TBC1D5: variants seen among roughly 807,000 people sequenced by gnomAD.
TBC1D5 encodes TBC1 domain family, member 5.
A neutral mutation model predicts 100.3 loss-of-function variants in TBC1D5; 75 were observed. That is an observed-to-expected ratio of 0.75 (90% CI 0.62 to 0.91). The LOEUF (loss-of-function observed/expected upper bound fraction) is 0.91, where lower values mean the gene tolerates loss of function less well. TBC1D5 is among the 40% of genes least tolerant of loss of function. TBC1D5 has a pLI of 0.00. For missense variants in TBC1D5, 910 were observed against 942.4 expected, an observed-to-expected ratio of 0.97 and a Z score of 0.45; for synonymous variants, 323 against 325.6, an observed-to-expected ratio of 0.99 and a Z score of 0.09.
intron 2 of TBC1D5, among the ~76,000 whole-genome samples, chr3:17,559,367 C>T (rs2153470270): frequency 6.6e-6 from 1 of 152,158 alleles, no homozygotes; most frequent in East Asian, 1.9e-4. Context: ...TCTCAAACTC[C>T]TGACCTCAAG....
intron 2 of TBC1D5, among the ~76,000 whole-genome samples, chr3:17,610,556 G>T (rs117816677): frequency 6.6e-6 from 1 of 152,076 alleles, no homozygotes; most frequent in Admixed American, 6.6e-5. Flanking sequence ...AGCACTCAGC[G>T]ACCACCCAAA....
chr3:17,327,748 C>T (rs1455441841), intron 13 of TBC1D5, among the ~76,000 whole-genome samples: 4 of 152,186 alleles, frequency 2.6e-5, no homozygotes, highest in East Asian at 1.9e-4. Flanking sequence ...TTCATGTTCT[C>T]GTATTTACTA....
chr3:17,472,940 TCA>T (rs1484962363), intron 3 of TBC1D5, among the ~76,000 whole-genome samples: 7 of 152,176 alleles, frequency 4.6e-5, no homozygotes, highest in Non-Finnish European at 8.8e-5. Flanking sequence ...GTACCATAAT[TCA>T]CACACTCAGT....
chr3:17,603,955 ACTTTT>A (rs1378197058), intron 2 of TBC1D5, among the ~76,000 whole-genome samples: 2 of 151,998 alleles, frequency 1.3e-5, no homozygotes, highest in Non-Finnish European at 2.9e-5. Flanking sequence ...CTATTCCTTT[ACTTTT>A]CTTAATATAC....
intron 2 of TBC1D5, among the ~76,000 whole-genome samples, chr3:17,529,712 T>C (rs1333305071): frequency 6.6e-6 from 1 of 151,954 alleles, no homozygotes; most frequent in African/African-American, 2.4e-5. Context: ...AGTGGCATAA[T>C]CTCGGCTCAC....
chr3:17,592,756 T>C (rs1033247934), intron 2 of TBC1D5, among the ~76,000 whole-genome samples: 1 of 152,192 alleles, frequency 6.6e-6, no homozygotes, highest in Non-Finnish European at 1.5e-5. Flanking sequence ...GAGATGCTAT[T>C]TGGAGCCTTT....
At chr3:17,417,453 G>T (rs951091271) in intron 4 of TBC1D5, among the ~76,000 whole-genome samples, 2 of 146,298 alleles carry the variant, frequency 1.4e-5, no homozygotes, top group South Asian at 2.1e-4. Flanking sequence ...TTGGCTTTTT[G>T]TTCTTGCGAA....
intron 3 of TBC1D5, among the ~76,000 whole-genome samples, chr3:17,496,028 C>A (rs1383852646): frequency 6.6e-6 from 1 of 152,172 alleles, no homozygotes; most frequent in Admixed American, 6.5e-5. Context: ...TACATTCTTG[C>A]AAACTTTGCT....
chr3:17,718,092 GAGC>G (rs1339770569), intron 1 of TBC1D5, among the ~76,000 whole-genome samples: 6 of 152,162 alleles, frequency 3.9e-5, no homozygotes. Flanking sequence ...CACATTTGGA[GAGC>G]TAGCCCCAAA....
chr3:17,211,346 AAAG>A (rs1353944786), intron 18 of TBC1D5, among the ~76,000 whole-genome samples: 1 of 152,248 alleles, frequency 6.6e-6, no homozygotes, highest in Non-Finnish European at 1.5e-5. Flanking sequence ...GGTGCTCTGG[AAAG>A]CAAGTGGCGG....
At chr3:17,694,723 T>C (rs1361864097) in intron 1 of TBC1D5, among the ~76,000 whole-genome samples, 1 of 152,044 alleles carries the variant, frequency 6.6e-6, no homozygotes, top group Non-Finnish European at 1.5e-5. Flanking sequence ...CAGGCCAACA[T>C]TCAAATTCAG....
intron 2 of TBC1D5, among the ~76,000 whole-genome samples, chr3:17,578,842 A>G (rs1467872670): frequency 6.6e-6 from 1 of 152,046 alleles, no homozygotes; most frequent in African/African-American, 2.4e-5. Context: ...TAATGCTAAC[A>G]TATTTCTAAG....
At chr3:17,602,298 G>A (rs535584216) in intron 2 of TBC1D5, among the ~76,000 whole-genome samples, 6 of 152,210 alleles carry the variant, frequency 3.9e-5, no homozygotes, top group African/African-American at 9.6e-5. Flanking sequence ...CCTGAAGTTC[G>A]TGTCTTCTAT....
At chr3:17,642,108 A>C (rs2064568801) in intron 1 of TBC1D5, among the ~76,000 whole-genome samples, 1 of 152,148 alleles carries the variant, frequency 6.6e-6, no homozygotes, top group Admixed American at 6.6e-5. Context: ...TTGGTTAATA[A>C]TCTTATAACA....
intron 15 of TBC1D5, among the ~76,000 whole-genome samples, chr3:17,277,956 A>G (rs902960724): frequency 2.0e-5 from 3 of 152,210 alleles, no homozygotes; most frequent in Non-Finnish European, 4.4e-5. Flanking sequence ...AAAATACAGA[A>G]TAGTCCTATA....
intron 1 of TBC1D5, among the ~76,000 whole-genome samples, chr3:17,699,343 T>C (rs9853166): frequency 8.5e-4 from 111 of 130,496 alleles, no homozygotes; most frequent in African/African-American, 3.0e-3. Flanking sequence ...AATTGAACAA[T>C]GAGAACACAT....
chr3:17,382,664 G>A (rs1052716023), intron 9 of TBC1D5, among the ~76,000 whole-genome samples: 1 of 151,508 alleles, frequency 6.6e-6, no homozygotes, highest in Non-Finnish European at 1.5e-5. Flanking sequence ...GGTCTCAAGA[G>A]ATCCTCCCAC....
intron 15 of TBC1D5, among the ~76,000 whole-genome samples, chr3:17,266,416 A>G (rs576343596): frequency 3.9e-5 from 6 of 152,278 alleles, no homozygotes; most frequent in African/African-American, 1.4e-4. Context: ...CATTTATCCA[A>G]GAGTTGATTT....
chr3:17,493,232 A>AT lies in TBC1D5; in HGVS notation c.97+15241dup, dbSNP rs540416620. Among the ~76,000 whole-genome samples the AT allele has an allele frequency of 2.0e-3, 284 of 143,704 alleles. 1 individual carries two copies. The highest frequency in any genetic ancestry group is 0.017 in the South Asian group (78 of 4,498). The allele number at this position is 143,704 out of a possible 152,430, so 94.3% of individuals were successfully genotyped here. A position where few individuals can be genotyped will look rare whatever the true frequency, so the allele number is the denominator to read the frequency against. ...GATGTGAAATTGTGGGTTGGAAATT[A>AT]TTTTTTTTTTTTTTAAGAATGTTGA... On this transcript the variant is annotated intron_variant, in intron 3 of 21. Coordinates refer to ENST00000253692, the Ensembl canonical transcript of TBC1D5.
Sources: gnomAD v4.1 joint callset for allele counts (sites outside exome capture counted in the v4.1 genomes callset) on GRCh38, gnomAD v4.1.1 for gene constraint, MANE v1.5 for transcripts, NCBI Gene and HGNC (gene_info 2026-07-23, HGNC 2026-07-21) for gene names.